CASC3: variants seen among roughly 807,000 people sequenced by gnomAD.
CASC3 encodes CASC3 exon junction complex subunit.
Under a neutral mutation model 80.5 loss-of-function variants are expected in CASC3, and 30 were observed. That is an observed-to-expected ratio of 0.37 (90% CI 0.28 to 0.51). The LOEUF (loss-of-function observed/expected upper bound fraction) is 0.51, where lower values mean the gene tolerates loss of function less well. Among genes scored for constraint, CASC3 ranks in the 20% least tolerant of loss-of-function variants. The pLI is 0.94. For synonymous variants in CASC3, 312 were observed against 333.6 expected (o/e 0.94, Z 0.70); for missense variants, 824 against 922.2 (o/e 0.89, Z 1.38).
chr17:40,167,154 G>T lies in CASC3; in HGVS notation c.1536+293G>T, dbSNP rs572503188. On this transcript the variant is annotated intron_variant, in intron 8 of 13. Coordinates refer to ENST00000264645, the MANE Select transcript of CASC3 (RefSeq NM_007359.5). ...TTTTTGTATTTTTAGTAAAGACAGGGTTTCACCATGTTGGCCAGGCTGGTC... is the reference window on the plus strand; with the variant it reads ...TTTTTGTATTTTTAGTAAAGACAGGTTTTCACCATGTTGGCCAGGCTGGTC... 5 of 487,566 alleles carry T rather than the reference G, an allele frequency of 1.0e-5. No homozygotes were observed. The South Asian group carries it at 1.1e-4, about 11-fold the overall frequency. The allele number at this position is 487,566 out of a possible 1,614,324, so 30.2% of individuals were successfully genotyped here. A position where few individuals can be genotyped will look rare whatever the true frequency, so the allele number is the denominator to read the frequency against.
chr17:40,169,264 C>T (rs1989530060), intron 11 of CASC3, 60 bp from the exon 12 acceptor site: 7 of 1,420,218 alleles, frequency 4.9e-6, no homozygotes, highest in Non-Finnish European at 6.5e-6. Context: ...ATTTCCTGTT[C>T]ATCATAGGTT....
chr17:40,167,710 T>C (rs1390894289), intron 9 of CASC3, 98 bp downstream of exon 9: 37 of 1,227,922 alleles, frequency 3.0e-5, no homozygotes, highest in African/African-American at 6.0e-5. Flanking sequence ...TGACCTCTTA[T>C]AGTGGTTATC....
At chr17:40,144,451 T>G (rs1448266107) in intron 3 of CASC3, among the ~76,000 whole-genome samples, 1 of 150,826 alleles carries the variant, frequency 6.6e-6, no homozygotes, top group African/African-American at 2.4e-5. Flanking sequence ...TTCAAGCGAT[T>G]CTCCTGTCTC....
At chr17:40,151,780 T>C (rs1989016538) in intron 3 of CASC3, among the ~76,000 whole-genome samples, 1 of 151,990 alleles carries the variant, frequency 6.6e-6, no homozygotes, top group Non-Finnish European at 1.5e-5. Flanking sequence ...CTACTTTCTG[T>C]CTCTGTTGAT....
At chr17:40,153,980 A>G (rs62065225) in intron 3 of CASC3, among the ~76,000 whole-genome samples, 5,453 of 152,150 alleles carry the variant, frequency 0.036, 146 homozygotes, top group Non-Finnish European at 0.052. Flanking sequence ...TGGCTGAGGC[A>G]TAAGAATCAC....
At chr17:40,168,557 A>G in intron 11 of CASC3, 140 bp downstream of exon 11, 1 of 718,112 alleles carries the variant, frequency 1.4e-6, no homozygotes, top group Non-Finnish European at 2.3e-6. Context: ...GACGCCTCTT[A>G]GTGGTCAGGA....
intron 13 of CASC3, among the ~76,000 whole-genome samples, chr17:40,170,164 A>G (rs1989560224): frequency 6.6e-6 from 1 of 152,184 alleles, no homozygotes; most frequent in Non-Finnish European, 1.5e-5. Flanking sequence ...GCAGGGTTGA[A>G]GTAGAAACGA....
At chr17:40,144,602 C>T (rs1441207838) in intron 3 of CASC3, among the ~76,000 whole-genome samples, 3 of 151,074 alleles carry the variant, frequency 2.0e-5, no homozygotes, top group Non-Finnish European at 4.4e-5. Flanking sequence ...GCCTCAGCTT[C>T]CCAAAGTACC....
At chr17:40,143,495 C>T (rs1988775873) in intron 3 of CASC3, among the ~76,000 whole-genome samples, 1 of 151,992 alleles carries the variant, frequency 6.6e-6, no homozygotes, top group Non-Finnish European at 1.5e-5. Context: ...TTCATATTTG[C>T]AACATGGTGA....
In CASC3 at chr17:40,164,186, T is replaced by G; in HGVS notation, c.1471+20T>G. 1.9e-6 allele frequency: 3 copies of G among 1,563,334 alleles called. No homozygotes were observed. The highest frequency in any genetic ancestry group is 2.6e-6 in the Non-Finnish European group (3 of 1,158,248). On this transcript the variant is annotated intron_variant, in intron 7 of 13. Coordinates refer to ENST00000264645, the MANE Select transcript of CASC3 (RefSeq NM_007359.5). ...TTCGAGGTAGGTATCATAGGATTGG[T>G]GGCTAGCTTTTTCCCCTTTGCATCA...
In CASC3 at chr17:40,171,897, A is replaced by G; in HGVS notation, c.*1492A>G. The G allele has an allele frequency of 8.1e-7, 1 of 1,232,420 alleles. No individual in the cohort carries two copies. Among genetic ancestry groups the G allele is most frequent in the Non-Finnish European group, 1.0e-6 (1 of 961,928 alleles). 76.3% of individuals were successfully genotyped at this position (1,232,420 alleles called of 1,614,324 possible). On this transcript the variant is annotated 3_prime_UTR_variant, in exon 14 of 14. Transcript: ENST00000264645. ...CTTAATCTGTAACCCCCAAGGAGGAAATAACTAAGAGATTCTTCTAGGGGT... is the reference window on the plus strand; with the variant it reads ...CTTAATCTGTAACCCCCAAGGAGGAGATAACTAAGAGATTCTTCTAGGGGT...
intron 1 of CASC3, 127 bp from the exon 2 acceptor site, chr17:40,141,080 T>G: frequency 1.1e-6 from 1 of 883,254 alleles, no homozygotes; most frequent in South Asian, 1.4e-5. Flanking sequence ...TGATAAAGAT[T>G]TACCTATCTC....
rs749966180 is a variant in CASC3, at chr17:40,163,464, C to T, written c.786-17C>T. Reference sequence around the variant, plus strand: ...TTTGTTAATTTCCTAACAGTTTCTTCATTCCATTTTTTGTAGATATGGGAG... The same window carrying T: ...TTTGTTAATTTCCTAACAGTTTCTTTATTCCATTTTTTGTAGATATGGGAG... On this transcript the variant is annotated splice_polypyrimidine_tract_variant and intron_variant, in intron 6 of 13. Coordinates refer to ENST00000264645, the MANE Select transcript of CASC3 (RefSeq NM_007359.5). 3.8e-6 allele frequency: 6 copies of T among 1,590,426 alleles called. No homozygotes were observed. In the South Asian group the frequency reaches 5.7e-5, roughly 15 times the overall value.
At chr17:40,148,818 G>A (rs901414991) in intron 3 of CASC3, among the ~76,000 whole-genome samples, 1 of 152,140 alleles carries the variant, frequency 6.6e-6, no homozygotes, top group Non-Finnish European at 1.5e-5. Context: ...ACAGCTGTTG[G>A]TGCTTTGTTA....
At chr17:40,170,354 A>AT (rs1989564105) in intron 13 of CASC3, 93 bp from the exon 14 acceptor site, 1 of 837,450 alleles carries the variant, frequency 1.2e-6, no homozygotes, top group Non-Finnish European at 1.4e-6. Flanking sequence ...AAAACACATT[A>AT]TTTAGAAGTG....
intron 3 of CASC3, among the ~76,000 whole-genome samples, chr17:40,143,174 G>A (rs944685026): frequency 6.6e-6 from 1 of 152,090 alleles, no homozygotes; most frequent in Non-Finnish European, 1.5e-5. Context: ...AACCCAGCGC[G>A]ATGGCTCACA....
chr17:40,165,098 TG>T (rs1989416459), intron 7 of CASC3, among the ~76,000 whole-genome samples: 1 of 151,630 alleles, frequency 6.6e-6, no homozygotes, highest in Non-Finnish European at 1.5e-5. Flanking sequence ...TTTTTTTTTT[TG>T]TATTTTTAGT....
At position 40,159,711 on chromosome 17, in the gene CASC3, A is replaced by ATTT. The variant is rs71152647; in HGVS notation, c.298-2019_298-2017dup. Among the ~76,000 whole-genome samples the ATTT allele has an allele frequency of 6.5e-3, 605 of 93,158 alleles. 32 individuals are homozygous for ATTT. Among genetic ancestry groups the ATTT allele is most frequent in the African/African-American group, 0.026 (554 of 21,598 alleles). The allele number at this position is 93,158 out of a possible 152,430, so 61.1% of individuals were successfully genotyped here. A position where few individuals can be genotyped will look rare whatever the true frequency, so the allele number is the denominator to read the frequency against. The stretch of plus-strand genomic sequence containing the variant: ...AGGCGCACACCACCATTCCTGGCGA[A>ATTT]TTTTTTTTTTTTTTTTTTTTTTTTT... On this transcript the variant is annotated intron_variant, in intron 3 of 13. Coordinates refer to ENST00000264645, the MANE Select transcript of CASC3 (RefSeq NM_007359.5).
intron 3 of CASC3, among the ~76,000 whole-genome samples, chr17:40,153,655 A>G (rs561579937): frequency 6.6e-6 from 1 of 152,258 alleles, no homozygotes; most frequent in South Asian, 2.1e-4. Context: ...TATCCTTAAC[A>G]GCACTTGTTG....
Sources: gnomAD v4.1 joint callset for allele counts (sites outside exome capture counted in the v4.1 genomes callset) on GRCh38, gnomAD v4.1.1 for gene constraint, MANE v1.5 for transcripts, NCBI Gene and HGNC (gene_info 2026-07-23, HGNC 2026-07-21) for gene names.